Variants in DNASE1L1 observed in about 807,000 individuals in gnomAD.
DNASE1L1 encodes the protein deoxyribonuclease-1-like 1.
In DNASE1L1, 8 loss-of-function variants were observed where a neutral mutation model predicts 18.6. That is an observed-to-expected ratio of 0.43 (90% CI 0.25 to 0.78). The LOEUF (loss-of-function observed/expected upper bound fraction) is 0.78. DNASE1L1 is among the 30% of genes least tolerant of loss of function. DNASE1L1 has a pLI of 0.23. For missense variants in DNASE1L1, 214 were observed against 258.2 expected, an observed-to-expected ratio of 0.83 and a Z score of 1.17; for synonymous variants, 114 against 114.2, an observed-to-expected ratio of 1.00 and a Z score of 0.01.
In DNASE1L1 at chrX:154,403,263, G is replaced by A. The variant is rs1557187453; in HGVS notation, c.525+6C>T. The A allele has an allele frequency of 1.7e-6, 2 of 1,210,295 alleles. No individual in the cohort carries two copies. Among genetic ancestry groups the A allele is most frequent in the East Asian group, 5.9e-5 (2 of 33,813 alleles). On this transcript the variant is annotated splice_donor_region_variant and intron_variant, in intron 6 of 7. Coordinates refer to ENST00000369807, the MANE Select transcript of DNASE1L1 (RefSeq NM_001303620.2). ...TGTCCCTCCTGTACAAACTGCCCAG[G>A]CCTACCTTGCTCTGCCAGTGCTGGG... is the stretch of plus-strand genomic sequence containing the variant.
At chrX:154,411,786 G>C (rs1557190662), upstream of DNASE1L1, 2 of 1,076,110 alleles carry the variant, frequency 1.9e-6, no homozygotes, top group South Asian at 2.0e-5. Flanking sequence ...CGCAGACCTA[G>C]AGGCGCCCCA....
At chrX:154,409,482 C>G (rs782337444), upstream of DNASE1L1, 1 of 124,515 alleles carries the variant, frequency 8.0e-6, no homozygotes, top group Non-Finnish European at 1.7e-5. Flanking sequence ...GAGCTTCGCT[C>G]GCCAGGCCCG....
At chrX:154,411,933 C>G (rs1557190917), upstream of DNASE1L1, 1 of 1,207,403 alleles carries the variant, frequency 8.3e-7, no homozygotes, top group Admixed American at 2.2e-5. Context: ...TGGTGGGCAC[C>G]TACAGCTGCT....
chrX:154,406,265 C>T (rs782520015), intron 1 of DNASE1L1, among the ~76,000 whole-genome samples: 3 of 110,512 alleles, frequency 2.7e-5, no homozygotes, highest in Admixed American at 9.6e-5. Flanking sequence ...CCACCGCACC[C>T]GGCTGTAGAA....
Position 154,405,174 on chromosome X carries a change from G to C in DNASE1L1, c.136-91C>G, listed in dbSNP as rs782779752. ...AGGGGACTGGCACTGTTGTGGCCCA[G>C]AGTGTTAAGGCTCACTGACTGCAGC... is the stretch of plus-strand genomic sequence containing the variant. On this transcript the variant is annotated intron_variant, in intron 2 of 7. Coordinates refer to ENST00000369807, the MANE Select transcript of DNASE1L1 (RefSeq NM_001303620.2). The C allele has an allele frequency of 2.5e-5, 24 of 949,482 alleles. No individual in the cohort carries two copies. The East Asian group carries it at 6.3e-4, about 25-fold the overall frequency. 78.2% of individuals were successfully genotyped at this position (949,482 alleles called of 1,213,427 possible). A position where few individuals can be genotyped will look rare whatever the true frequency, so the allele number is the denominator to read the frequency against.
intron 5 of DNASE1L1, 33 bp from the exon 6 acceptor site, chrX:154,403,414 A>G: frequency 2.5e-6 from 3 of 1,200,729 alleles, no homozygotes; most frequent in Non-Finnish European, 3.4e-6. Context: ...GCTGCCATCC[A>G]CTCCTGGACC....
intron 1 of DNASE1L1, 56 bp downstream of exon 1, chrX:154,409,056 C>T (rs1557189137): frequency 6.0e-6 from 2 of 332,342 alleles, no homozygotes; most frequent in Non-Finnish European, 1.2e-5. Context: ...CTCAAACCCT[C>T]CCCAGGCAGA....
chrX:154,411,680 C>T (rs1557190514), upstream of DNASE1L1: 62 of 521,826 alleles, frequency 1.2e-4, no homozygotes, highest in Non-Finnish European at 9.2e-5. Flanking sequence ...TCCGGCCTGA[C>T]CTGCGAAGGG....
chrX:154,404,573 C>A (rs1352788776), intron 4 of DNASE1L1, among the ~76,000 whole-genome samples: 3 of 112,468 alleles, frequency 2.7e-5, no homozygotes, highest in Non-Finnish European at 5.6e-5. Flanking sequence ...TGAGCCCCAG[C>A]AGCTCCCACA....
Position 154,403,710 on chromosome X carries a change from C to T in DNASE1L1, c.312-88G>A, listed in dbSNP as rs782694474. 1.4e-4 allele frequency: 104 copies of T among 767,858 alleles called. 1 individual carries two copies. Among genetic ancestry groups the T allele is most frequent in the Non-Finnish European group, 1.8e-4 (92 of 509,150 alleles). 63.3% of individuals were successfully genotyped at this position (767,858 alleles called of 1,213,427 possible). A position where few individuals can be genotyped will look rare whatever the true frequency, so the allele number is the denominator to read the frequency against. On this transcript the variant is annotated intron_variant, in intron 4 of 7. Coordinates refer to ENST00000369807, the MANE Select transcript of DNASE1L1 (RefSeq NM_001303620.2). Reference sequence around the variant, plus strand: ...AAACGGCGCTCAGGGAGGGGCCCTCCACTAACAGCGGCAATGTGGGCACAG... The same window carrying T: ...AAACGGCGCTCAGGGAGGGGCCCTCTACTAACAGCGGCAATGTGGGCACAG...
intron 4 of DNASE1L1, 21 bp downstream of exon 4, chrX:154,404,807 C>T (rs782786924): frequency 1.4e-5 from 17 of 1,201,972 alleles, no homozygotes; most frequent in Admixed American, 4.4e-5. Context: ...CACCCTGCTG[C>T]GCTGCCAGCT....
Position 154,402,336 on chromosome X carries a change from C to A in DNASE1L1, c.*371G>T. 1 of 171,147 alleles carries A rather than the reference C, an allele frequency of 5.8e-6. No homozygotes were observed. The highest frequency in any genetic ancestry group is 1.1e-5 in the Non-Finnish European group (1 of 90,557). 14.1% of individuals were successfully genotyped at this position (171,147 alleles called of 1,213,427 possible). ...CAATAAACATGGCCCATTGGCATAT[C>A]TGCTGCACAAGTGTCCTATCTCACC... On this transcript the variant is annotated 3_prime_UTR_variant, in exon 8 of 8. Coordinates refer to ENST00000369807, the MANE Select transcript of DNASE1L1 (RefSeq NM_001303620.2).
chrX:154,407,216 GGATT>G (rs2068170961), intron 1 of DNASE1L1, among the ~76,000 whole-genome samples: 1 of 82,791 alleles, frequency 1.2e-5, no homozygotes, highest in African/African-American at 4.5e-5. Flanking sequence ...CAAAGTGCTG[GGATT>G]TTTTTTTTTT....
rs183937354 is a variant in DNASE1L1, at chrX:154,408,985, C to T, written c.-88+127G>A. 7.1e-4 allele frequency: 183 copies of T among 256,424 alleles called. 1 individual carries two copies. The highest frequency in any genetic ancestry group is 2.6e-4 in the Non-Finnish European group (33 of 128,634). The allele number at this position is 256,424 out of a possible 1,213,427, so 21.1% of individuals were successfully genotyped here. On this transcript the variant is annotated intron_variant, in intron 1 of 7. Transcript: ENST00000369807. Reference sequence around the variant, plus strand: ...CAGAGAGAGCGACGGTTCCTGGCTTCAGCCCCAAACCCTGGCTGTCAATAT... The same window carrying T: ...CAGAGAGAGCGACGGTTCCTGGCTTTAGCCCCAAACCCTGGCTGTCAATAT...
At chrX:154,412,004 G>A, upstream of DNASE1L1, 2 of 1,203,333 alleles carry the variant, frequency 1.7e-6, no homozygotes, top group Non-Finnish European at 2.2e-6. Context: ...TGCCCGGCCG[G>A]AGGTGGGACT....
intron 1 of DNASE1L1, among the ~76,000 whole-genome samples, chrX:154,406,011 G>A (rs1287669928): frequency 5.9e-5 from 6 of 100,924 alleles, no homozygotes; most frequent in Non-Finnish European, 1.0e-4. Flanking sequence ...TCACTCTGTC[G>A]CCCAGGCTGG....
Position 154,403,179 on chromosome X carries a change from C to G in DNASE1L1, c.537G>C (p.Leu179=). 8.3e-7 allele frequency: 1 copy of G among 1,211,468 alleles called. No homozygotes were observed. The highest frequency in any genetic ancestry group is 1.1e-6 in the Non-Finnish European group (1 of 895,352). The change falls in exon 7 of 8, where the codon CTG becomes CTC. Residue 179 remains leucine (L), a synonymous_variant. Transcript: ENST00000369807. ...CGCAGTCAGCATTGAAGTCCCCAAG[C>G]AGGATCACGTCCTAGAGACACAGCA... ...SQHWQSKDVI[L]LGDFNADCAS... is the part of the protein sequence containing the mutation.
At chrX:154,410,187 C>G (rs782106678), upstream of DNASE1L1, 2 of 96,467 alleles carry the variant, frequency 2.1e-5, no homozygotes, top group South Asian at 9.2e-4. Context: ...TGCAGTGAGC[C>G]GAGATCACAC....
At chrX:154,405,189 C>T (rs1461716443) in intron 2 of DNASE1L1, 106 bp from the exon 3 acceptor site, 2 of 878,987 alleles carry the variant, frequency 2.3e-6, no homozygotes, top group Non-Finnish European at 3.2e-6. Context: ...TTAAGGCTCA[C>T]TGACTGCAGC....
Sources: gnomAD v4.1 joint callset for allele counts (sites outside exome capture counted in the v4.1 genomes callset) on GRCh38, gnomAD v4.1.1 for gene constraint, MANE v1.5 for transcripts, NCBI Gene and HGNC (gene_info 2026-07-23, HGNC 2026-07-21) for gene names.